Variants in PCDHGB4 observed in about 807,000 individuals in gnomAD.
The protein encoded by PCDHGB4 is protocadherin gamma subfamily B, 4.
In PCDHGB4, 38 loss-of-function variants were observed where a neutral mutation model predicts 60.5. The observed-to-expected ratio is 0.63, with a 90% CI of 0.48 to 0.82. PCDHGB4 has a LOEUF of 0.82. Ranked by LOEUF, PCDHGB4 falls within the 40% of genes least tolerant of loss-of-function variation. The pLI, the probability that PCDHGB4 is intolerant of heterozygous loss-of-function variation, is 0.00. For missense variants in PCDHGB4, 1,109 were observed against 1,209.6 expected (o/e 0.92, Z 1.23); for synonymous variants, 456 against 509.7 (o/e 0.89, Z 1.42).
At chr5:141,424,720 G>A (rs530298674) in intron 1 of PCDHGB4, 4 of 152,090 alleles carry the variant, frequency 2.6e-5, no homozygotes, top group Non-Finnish European at 4.4e-5. Flanking sequence ...GTGTAGTTGG[G>A]AGTCATAGAT....
chr5:141,390,053 C>G lies in PCDHGB4; in HGVS notation c.2169C>G (p.Ser723Arg). The change falls in exon 1 of 4, where the codon AGC (serine) becomes AGG (arginine). Residue 723 changes from serine to arginine, a missense_variant. Coordinates refer to ENST00000519479, the MANE Select transcript of PCDHGB4 (RefSeq NM_003736.4). ...LRRSSSPASW[S>R]CFQPGLCVKS... Reference sequence around the variant, plus strand: ...GCTCCTCCAGCCCCGCCTCCTGGAGCTGCTTCCAGCCTGGTCTCTGTGTTA... The same window carrying G: ...GCTCCTCCAGCCCCGCCTCCTGGAGGTGCTTCCAGCCTGGTCTCTGTGTTA... 6.2e-7 allele frequency: 1 copy of G among 1,614,066 alleles called. No homozygotes were observed. The highest frequency in any genetic ancestry group is 8.5e-7 in the Non-Finnish European group (1 of 1,179,914).
intron 1 of PCDHGB4, chr5:141,471,417 T>A (rs1174855045): frequency 6.6e-6 from 1 of 152,190 alleles, no homozygotes; most frequent in Non-Finnish European, 1.5e-5. Flanking sequence ...GTTATGTTTT[T>A]AGCAAGGAAA....
At chr5:141,396,487 G>A (rs1196823269) in intron 1 of PCDHGB4, 1 of 152,122 alleles carries the variant, frequency 6.6e-6, no homozygotes, top group Non-Finnish European at 1.5e-5. Flanking sequence ...AGGCATGGTG[G>A]CATGCGCCTG....
chr5:141,422,575 C>G, intron 1 of PCDHGB4: 1 of 1,613,976 alleles, frequency 6.2e-7, no homozygotes, highest in Non-Finnish European at 8.5e-7. Flanking sequence ...CAACGATAAC[C>G]CTCCCGTTTT....
chr5:141,455,616 A>G (rs2154565146), intron 1 of PCDHGB4, among the ~76,000 whole-genome samples: 1 of 152,244 alleles, frequency 6.6e-6, no homozygotes, highest in South Asian at 2.1e-4. Flanking sequence ...GGATGTTCTA[A>G]ACACGTGGAG....
Position 141,498,864 on chromosome 5 carries a change from C to T in PCDHGB4, c.2456+3999C>T, listed in dbSNP as rs1370263013. Among the ~76,000 whole-genome samples the T allele has an allele frequency of 2.7e-5, 4 of 149,532 alleles. No homozygotes were observed. The East Asian group carries it at 5.9e-4, about 22-fold the overall frequency. ...AGGGGAATCGCTTGAACCCAGGAGG[C>T]GGAGGTTGCAGTGAGCTGAGATCAC... On this transcript the variant is annotated intron_variant, in intron 2 of 3. Coordinates refer to ENST00000519479, the MANE Select transcript of PCDHGB4 (RefSeq NM_003736.4).
intron 1 of PCDHGB4, among the ~76,000 whole-genome samples, chr5:141,465,130 AAG>A (rs1277023430): frequency 2.6e-5 from 4 of 151,968 alleles, no homozygotes; most frequent in Non-Finnish European, 5.9e-5. Flanking sequence ...AATTTGTAAA[AAG>A]TTTAGGGGAT....
chr5:141,404,970 C>A (rs1470955697), intron 1 of PCDHGB4: 1 of 1,613,940 alleles, frequency 6.2e-7, no homozygotes, highest in Non-Finnish European at 8.5e-7. Flanking sequence ...GACATCCTGG[C>A]TGACCTGGGC....
rs558951022 is a variant in PCDHGB4 at position 141,501,554 on chromosome 5, C to T, written c.2457-3839C>T. On this transcript the variant is annotated intron_variant, in intron 2 of 3. Coordinates refer to ENST00000519479, the MANE Select transcript of PCDHGB4 (RefSeq NM_003736.4). ...CGTTGTTGTGCATAAGATCATAGGC[C>T]CTGGAATCATATTAGGCTGGCTTTC... is the stretch of plus-strand genomic sequence containing the variant. Among the ~76,000 whole-genome samples the T allele has an allele frequency of 3.3e-5, 5 of 152,044 alleles. No homozygotes were observed. In the East Asian group the frequency reaches 7.8e-4, roughly 24 times the overall value.
At chr5:141,423,882 C>T in intron 1 of PCDHGB4, 3 of 1,282,372 alleles carry the variant, frequency 2.3e-6, no homozygotes, top group Non-Finnish European at 3.0e-6. Context: ...TCAATCTTGG[C>T]ATATTTTCTT....
chr5:141,433,259 T>C (rs776486704), intron 1 of PCDHGB4: 3 of 1,380,658 alleles, frequency 2.2e-6, no homozygotes, highest in Non-Finnish European at 3.0e-6. Flanking sequence ...AGCGGTACGA[T>C]CATAGCTCAC....
chr5:141,431,215 CCCTCTACCCCACG>C lies in PCDHGB4; in HGVS notation c.2397+40938_2397+40950del. The C allele has an allele frequency of 6.2e-7, 1 of 1,614,184 alleles. No homozygotes were observed. Among genetic ancestry groups the C allele is most frequent in the Non-Finnish European group, 8.5e-7 (1 of 1,180,048 alleles). On this transcript the variant is annotated intron_variant, in intron 1 of 3. Transcript: ENST00000519479. The surrounding 1 kb of genome is among the most constrained non-coding windows in gnomAD (Gnocchi z 4.8). ...AAAATGCAGCCACTGAGATGCGGTT[CCCTCTACCCCACG>C]CCTGGGATCCGGATATCGGGAAGAA... is the stretch of plus-strand genomic sequence containing the variant.
chr5:141,420,287 A>C, intron 1 of PCDHGB4: 1 of 1,498,884 alleles, frequency 6.7e-7, no homozygotes, highest in African/African-American at 1.4e-5. Context: ...AAGTATTTAA[A>C]AATGTATTTA....
At chr5:141,409,986 A>G (rs995773112) in intron 1 of PCDHGB4, 27 of 1,612,796 alleles carry the variant, frequency 1.7e-5, no homozygotes, top group Non-Finnish European at 2.2e-5. Context: ...GTAGCGGTGG[A>G]CGCCGACTCG....
At chr5:141,427,276 T>G (rs1281222927) in intron 1 of PCDHGB4, 1 of 456,754 alleles carries the variant, frequency 2.2e-6, no homozygotes, top group Non-Finnish European at 4.4e-6. Context: ...GAATGTAAAA[T>G]TATACTAGAA....
chr5:141,427,711 A>T, intron 1 of PCDHGB4: 1 of 1,036,498 alleles, frequency 9.6e-7, no homozygotes, highest in Non-Finnish European at 1.5e-6. Context: ...AGCGCCTCTG[A>T]CCTGGACCTA....
At position 141,388,773 on chromosome 5, in the gene PCDHGB4, GGGGAAATTACT is replaced by G. The variant is rs1376289371; in HGVS notation, c.891_901del (p.Glu298PhefsTer7). 2 of 1,613,690 alleles carry G rather than the reference GGGGAAATTACT, an allele frequency of 1.2e-6. No individual in the cohort carries two copies. Among genetic ancestry groups the G allele is most frequent in the African/African-American group, 2.7e-5 (2 of 74,906 alleles). On this transcript the variant is annotated frameshift_variant, in exon 1 of 4. Transcript: ENST00000519479. LOFTEE classifies it high-confidence loss of function. ...CCAATTTGACCTGAACTCTAACACC[GGGGAAATTACT>G]GTTTTAAATACATTAGATTTTGAAG... is the stretch of plus-strand genomic sequence containing the variant.
In PCDHGB4 at chr5:141,489,514, C is replaced by T. The variant is rs141377711; in HGVS notation, c.2398-5293C>T. 63 of 1,613,926 alleles carry T rather than the reference C, an allele frequency of 3.9e-5. No homozygotes were observed. The highest frequency in any genetic ancestry group is 6.7e-5 in the Admixed American group (4 of 60,004). ...CCTGGCAGTGAATCAAAAGATTGAC[C>T]GAGAAAGCCTATGTGGAGCCAGCAC... On this transcript the variant is annotated intron_variant, in intron 1 of 3. Coordinates refer to ENST00000519479, the MANE Select transcript of PCDHGB4 (RefSeq NM_003736.4). This position sits in a 1 kb window ranked among gnomAD's most constrained non-coding sequence, Gnocchi z 4.5.
At chr5:141,414,670 A>G in intron 1 of PCDHGB4, 1 of 1,613,894 alleles carries the variant, frequency 6.2e-7, no homozygotes. Context: ...GGCTGAAGAC[A>G]CCATCCAGGG....
Sources: allele counts gnomAD v4.1 joint callset (sites outside exome capture counted in the v4.1 genomes callset), GRCh38; gene constraint gnomAD v4.1.1; non-coding constraint Gnocchi (gnomAD v3.1); transcripts MANE v1.5; gene names NCBI Gene and HGNC (gene_info 2026-07-23, HGNC 2026-07-21).